FAM20C: variants seen among roughly 807,000 people sequenced by gnomAD.
FAM20C encodes extracellular serine/threonine protein kinase FAM20C.
In FAM20C, 40 loss-of-function variants were observed where a neutral mutation model predicts 51.5. That is an observed-to-expected ratio of 0.78 (90% CI 0.60 to 1.01). The LOEUF is 1.01. FAM20C is among the 50% of genes least tolerant of loss of function. FAM20C has a pLI of 0.00. For missense variants in FAM20C, 861 were observed against 844.7 expected, an observed-to-expected ratio of 1.02 and a Z score of -0.24; for synonymous variants, 406 against 380.6, an observed-to-expected ratio of 1.07 and a Z score of -0.78.
At chr7:228,659 A>G (rs73669603) in intron 3 of FAM20C, 57,255 of 456,058 alleles carry the variant, frequency 0.13, 4,917 homozygotes, top group African/African-American at 0.32. Flanking sequence ...AGGTTTGGAC[A>G]ACTGGTGCCT....
At chr7:255,488 C>A (rs972155803) in intron 5 of FAM20C, among the ~76,000 whole-genome samples, 15 of 152,190 alleles carry the variant, frequency 9.9e-5, no homozygotes, top group African/African-American at 3.1e-4. Flanking sequence ...CTCAGATGTG[C>A]GGTTTGCAAA....
intron 3 of FAM20C, 71 bp downstream of exon 3, chr7:209,047 C>T: frequency 6.9e-7 from 1 of 1,459,652 alleles, no homozygotes. Flanking sequence ...CGGGCTTCTG[C>T]TGGGGATGGC....
intron 3 of FAM20C, among the ~76,000 whole-genome samples, chr7:234,286 T>C (rs1787786047): frequency 6.6e-6 from 1 of 152,254 alleles, no homozygotes; most frequent in African/African-American, 2.4e-5. Flanking sequence ...TTTCCTCAGC[T>C]GGGCTTTTAC....
chr7:216,695 G>A (rs1212549777), intron 3 of FAM20C, among the ~76,000 whole-genome samples: 1 of 140,966 alleles, frequency 7.1e-6, no homozygotes, highest in African/African-American at 2.8e-5. Flanking sequence ...GTGTGTGTGT[G>A]TGTGAGACAG....
At chr7:256,115 A>G in intron 6 of FAM20C, 86 bp downstream of exon 6, 1 of 1,468,048 alleles carries the variant, frequency 6.8e-7, no homozygotes, top group Non-Finnish European at 9.0e-7. Context: ...GTCGGCGCCC[A>G]CGGGGGTGGC....
intron 3 of FAM20C, among the ~76,000 whole-genome samples, chr7:216,642 A>T (rs1443606976): frequency 2.2e-5 from 3 of 133,500 alleles, no homozygotes; most frequent in Admixed American, 7.1e-5. Flanking sequence ...AGTGTGTGTG[A>T]GTGTGTGTGA....
chr7:244,114 T>G, intron 3 of FAM20C, among the ~76,000 whole-genome samples: 1 of 151,964 alleles, frequency 6.6e-6, no homozygotes. Context: ...TTTTTATTTT[T>G]CGTAGACCTG....
intron 2 of FAM20C, among the ~76,000 whole-genome samples, chr7:196,162 C>T (rs1204242941): frequency 3.9e-5 from 6 of 152,186 alleles, no homozygotes; most frequent in East Asian, 3.9e-4. Context: ...CAGCCATGAG[C>T]CTGCTTCTTG....
intron 3 of FAM20C, chr7:229,033 C>G (rs115561870): frequency 0.067 from 23,786 of 352,580 alleles, 1,592 homozygotes; most frequent in African/African-American, 0.22. Flanking sequence ...CGCACCCCAC[C>G]CCCCCACCAC....
rs142807746 is a variant in FAM20C at position 253,627 on chromosome 7, C to T, written c.1073-2222C>T. 4.8e-3 allele frequency among the ~76,000 whole-genome samples: 700 copies of T among 144,580 alleles called. 1 individual carries two copies. The highest frequency in any genetic ancestry group is 7.9e-3 in the Non-Finnish European group (495 of 62,596). 94.9% of individuals were successfully genotyped at this position (144,580 alleles called of 152,430 possible). ...TGGCTTCTTTGTGTAATTCCCAGCC[C>T]GTGATGCCGGCGTTGCTGGGACCCC... On this transcript the variant is annotated intron_variant, in intron 5 of 9. Transcript: ENST00000313766.
At chr7:222,634 G>A (rs543238509) in intron 3 of FAM20C, among the ~76,000 whole-genome samples, 20 of 152,092 alleles carry the variant, frequency 1.3e-4, no homozygotes, top group African/African-American at 4.3e-4. Context: ...GCTGGAGAGC[G>A]GAAGTGAGGG....
chr7:245,502 C>T (rs571241602), intron 3 of FAM20C, among the ~76,000 whole-genome samples: 11 of 152,228 alleles, frequency 7.2e-5, no homozygotes, highest in East Asian at 5.8e-4. Context: ...CCTGGGTGGA[C>T]GCCCTGGGAC....
chr7:252,691 T>C (rs929446241), intron 5 of FAM20C, among the ~76,000 whole-genome samples: 1 of 152,106 alleles, frequency 6.6e-6, no homozygotes, highest in Non-Finnish European at 1.5e-5. Context: ...GAAGGTGGGC[T>C]CTGGGAGGGA....
chr7:199,457 A>C (rs1372974867), intron 2 of FAM20C, among the ~76,000 whole-genome samples: 1 of 152,256 alleles, frequency 6.6e-6, no homozygotes, highest in African/African-American at 2.4e-5. Context: ...CCAGGCTCTG[A>C]GTTCTGTCCC....
At chr7:228,821 T>G in intron 3 of FAM20C, 2 of 456,070 alleles carry the variant, frequency 4.4e-6, no homozygotes, top group Non-Finnish European at 8.8e-6. Flanking sequence ...CCGGGCAGCC[T>G]CCTCAACGTG....
At position 260,307 on chromosome 7, in the gene FAM20C, C is replaced by A. The variant is rs191201474; in HGVS notation, c.*327C>A. 4.6e-6 allele frequency: 1 copy of A among 218,604 alleles called. No individual in the cohort carries two copies. Among genetic ancestry groups the A allele is most frequent in the Admixed American group, 5.6e-5 (1 of 17,734 alleles). 13.5% of individuals were successfully genotyped at this position (218,604 alleles called of 1,614,324 possible). A position where few individuals can be genotyped will look rare whatever the true frequency, so the allele number is the denominator to read the frequency against. ...TGATGAATAAGTATATAAACAGAGA[C>A]GTGTACACAGATGCCAATCACCTAC... On this transcript the variant is annotated 3_prime_UTR_variant, in exon 10 of 10. Transcript: ENST00000313766.
intron 3 of FAM20C, chr7:227,650 T>C (rs1787497196): frequency 6.6e-6 from 1 of 152,206 alleles, no homozygotes; most frequent in Non-Finnish European, 1.5e-5. Context: ...GTTTTCAGGC[T>C]ACCGGGGAGC....
At chr7:230,412 C>T (rs1184094107) in intron 3 of FAM20C, among the ~76,000 whole-genome samples, 1 of 141,454 alleles carries the variant, frequency 7.1e-6, no homozygotes, top group Non-Finnish European at 1.5e-5. Flanking sequence ...TTAAAGTGCC[C>T]CTGTCTGTGG....
At chr7:199,217 G>A (rs989338792) in intron 2 of FAM20C, among the ~76,000 whole-genome samples, 3 of 152,258 alleles carry the variant, frequency 2.0e-5, no homozygotes, top group African/African-American at 4.8e-5. Flanking sequence ...ACTTCCAGTT[G>A]GAGGATCTGG....
Sources: gnomAD v4.1 joint callset for allele counts (sites outside exome capture counted in the v4.1 genomes callset) on GRCh38, gnomAD v4.1.1 for gene constraint, MANE v1.5 for transcripts, NCBI Gene and HGNC (gene_info 2026-07-23, HGNC 2026-07-21) for gene names.